GREB1L: variants seen among roughly 807,000 people sequenced by gnomAD.
GREB1L encodes GREB1 like retinoic acid receptor coactivator, also known as GREB1-like protein.
A neutral mutation model predicts 200.8 loss-of-function variants in GREB1L; 17 were observed. The ratio of observed to expected loss-of-function variants is 0.08; its 90% CI spans 0.06 to 0.13. GREB1L has a LOEUF of 0.13. GREB1L is among the 10% of genes least tolerant of loss of function. The pLI, the probability that GREB1L is intolerant of heterozygous loss-of-function variation, is 1.00. For missense variants in GREB1L, 1,657 were observed against 2,367.7 expected (o/e 0.70, Z 6.23); for synonymous variants, 789 against 893.0 (o/e 0.88, Z 2.08).
chr18:21,338,841 G>T (rs2039226267), intron 1 of GREB1L, among the ~76,000 whole-genome samples: 1 of 152,256 alleles, frequency 6.6e-6, no homozygotes, highest in Admixed American at 6.5e-5. Flanking sequence ...TTATAAAGGA[G>T]AGTGAGGATC....
intron 7 of GREB1L, among the ~76,000 whole-genome samples, chr18:21,428,691 G>A (rs970664342): frequency 2.1e-5 from 3 of 145,578 alleles, no homozygotes; most frequent in Non-Finnish European, 4.5e-5. Context: ...GAGTGCAATG[G>A]CATGATCGCG....
intron 1 of GREB1L, among the ~76,000 whole-genome samples, chr18:21,259,249 A>C (rs2037851945): frequency 6.6e-6 from 1 of 152,188 alleles, no homozygotes; most frequent in East Asian, 1.9e-4. Flanking sequence ...CTCAGTTTTC[A>C]TTTGGGTAAA....
At chr18:21,479,460 C>T (rs1483935793) in intron 17 of GREB1L, among the ~76,000 whole-genome samples, 7 of 152,110 alleles carry the variant, frequency 4.6e-5, no homozygotes, top group Non-Finnish European at 1.0e-4. Flanking sequence ...GGGTGGATCA[C>T]TTGAGCCCAG....
intron 1 of GREB1L, among the ~76,000 whole-genome samples, chr18:21,342,703 C>T (rs986967344): frequency 6.6e-6 from 1 of 152,142 alleles, no homozygotes; most frequent in African/African-American, 2.4e-5. Flanking sequence ...GGACTCACCA[C>T]CCTGGCTGCT....
At chr18:21,352,245 T>C (rs2039444662) in intron 1 of GREB1L, among the ~76,000 whole-genome samples, 1 of 152,178 alleles carries the variant, frequency 6.6e-6, no homozygotes, top group Admixed American at 6.5e-5. Context: ...TAGTCTTTAC[T>C]ATGCAAACAT....
At position 21,441,513 on chromosome 18, in the gene GREB1L, G is replaced by A; in HGVS notation, c.1183G>A (p.Gly395Arg). Residue 395 changes from glycine to arginine, a missense_variant, in exon 10 of 33, where the codon GGA becomes AGA. Physicochemically the swap from Gly to Arg is moderately radical, Grantham distance 125 (BLOSUM62 -2). Transcript: ENST00000424526. Reference protein sequence around the residue: ...IVPENLLSNSGVRPVILIGYG... With the variant: ...IVPENLLSNSRVRPVILIGYG... ...TCCTGAAAACCTGCTGAGTAACTCA[G>A]GAGTTAGACCAGTAATTCTGATAGG... 6.4e-7 allele frequency: 1 copy of A among 1,551,646 alleles called. No homozygotes were observed. Among genetic ancestry groups the A allele is most frequent in the Non-Finnish European group, 8.7e-7 (1 of 1,146,850 alleles).
Position 21,430,121 on chromosome 18 carries a change from C to T in GREB1L, c.833-9400C>T, listed in dbSNP as rs976884083. Among the ~76,000 whole-genome samples the T allele has an allele frequency of 3.3e-5, 5 of 152,134 alleles. 1 individual carries two copies. Among genetic ancestry groups the T allele is most frequent in the South Asian group, 2.1e-4 (1 of 4,828 alleles). On this transcript the variant is annotated intron_variant, in intron 7 of 32. Coordinates refer to ENST00000424526, the MANE Select transcript of GREB1L (RefSeq NM_001142966.3). ...AGATTACGCCCTTACCCTATGACCT[C>T]ATCTCATCATAATTACCCCTTTAAA...
At chr18:21,516,843 C>A in intron 30 of GREB1L, 89 bp downstream of exon 30, 413 of 831,346 alleles carry the variant, frequency 5.0e-4, no homozygotes, top group Non-Finnish European at 6.6e-4. Context: ...TAAGCACTTT[C>A]TATTTTATTA....
intron 1 of GREB1L, among the ~76,000 whole-genome samples, chr18:21,275,399 TG>T (rs1317215284): frequency 6.6e-6 from 1 of 152,204 alleles, no homozygotes; most frequent in Non-Finnish European, 1.5e-5. Context: ...TTTTTAGAGC[TG>T]GGGTCTTCTT....
At chr18:21,337,002 G>A (rs2039195573) in intron 1 of GREB1L, among the ~76,000 whole-genome samples, 1 of 152,078 alleles carries the variant, frequency 6.6e-6, no homozygotes, top group Non-Finnish European at 1.5e-5. Flanking sequence ...ATGAAATGAG[G>A]GTGTCAAGTA....
rs1351588118 is a variant in GREB1L at position 21,499,894 on chromosome 18, G to A, written c.3557G>A (p.Cys1186Tyr). 1 of 1,549,856 alleles carries A rather than the reference G, an allele frequency of 6.5e-7. No homozygotes were observed. Among genetic ancestry groups the A allele is most frequent in the Non-Finnish European group, 8.7e-7 (1 of 1,146,274 alleles). ...AGAGETLKQE[C>Y]DSLGPQMASS... ...GCCGGGGAGACTCTGAAGCAGGAAT[G>A]TGACTCCCTGGGCCCCCAGATGGCG... The change falls in exon 22 of 33, where the codon TGT (cysteine) becomes TAT (tyrosine). Residue 1186 changes from cysteine to tyrosine, a missense_variant. Coordinates refer to ENST00000424526, the MANE Select transcript of GREB1L (RefSeq NM_001142966.3).
chr18:21,381,314 A>G (rs1413887713), intron 2 of GREB1L, among the ~76,000 whole-genome samples: 2 of 152,076 alleles, frequency 1.3e-5, no homozygotes, highest in African/African-American at 4.8e-5. Flanking sequence ...AGGCTGAGGC[A>G]GGAGAATTGC....
In GREB1L at chr18:21,452,108, A is replaced by T; in HGVS notation, c.1875A>T (p.Glu625Asp). The change falls in exon 14 of 33, where the codon GAA becomes GAT. Residue 625 changes from glutamate to aspartate, a missense_variant. Glu to Asp is a conservative substitution (Grantham distance 45). Transcript: ENST00000424526. The part of the protein sequence containing the change: ...SLGDDLDKLL[E>D]KMQQRRGDSV... Reference sequence around the variant, plus strand: ...GCGATGACCTAGACAAGCTGCTGGAAAAAATGCAACAAAGAAGAGGAGACA... The same window carrying T: ...GCGATGACCTAGACAAGCTGCTGGATAAAATGCAACAAAGAAGAGGAGACA... 6.4e-7 allele frequency: 1 copy of T among 1,552,248 alleles called. No individual in the cohort carries two copies. The highest frequency in any genetic ancestry group is 1.2e-5 in the South Asian group (1 of 84,050).
At chr18:21,298,066 C>A (rs1413500310) in intron 1 of GREB1L, among the ~76,000 whole-genome samples, 1 of 152,120 alleles carries the variant, frequency 6.6e-6, no homozygotes, top group Admixed American at 6.5e-5. Context: ...GGACTATATA[C>A]TCCAGTAGGG....
chr18:21,306,024 T>C (rs1361559633), intron 1 of GREB1L, among the ~76,000 whole-genome samples: 1 of 152,202 alleles, frequency 6.6e-6, no homozygotes, highest in Non-Finnish European at 1.5e-5. Flanking sequence ...TTAATTTTTA[T>C]CCCATTACCT....
At chr18:21,308,516 C>T (rs138778245) in intron 1 of GREB1L, among the ~76,000 whole-genome samples, 48 of 152,334 alleles carry the variant, frequency 3.2e-4, no homozygotes, top group African/African-American at 1.1e-3. Flanking sequence ...TCGTCATCAT[C>T]GTCATTGGTC....
At chr18:21,332,316 G>A (rs2039117600) in intron 1 of GREB1L, among the ~76,000 whole-genome samples, 2 of 152,178 alleles carry the variant, frequency 1.3e-5, no homozygotes, top group South Asian at 4.2e-4. Flanking sequence ...TTATACAAAT[G>A]GAGTCTCTTT....
chr18:21,310,810 TA>T (rs965150428), intron 1 of GREB1L, among the ~76,000 whole-genome samples: 1 of 152,182 alleles, frequency 6.6e-6, no homozygotes, highest in African/African-American at 2.4e-5. Flanking sequence ...AATACGTTGT[TA>T]AAAAAATAGA....
intron 1 of GREB1L, among the ~76,000 whole-genome samples, chr18:21,348,708 G>A (rs1046535903): frequency 6.6e-6 from 1 of 152,220 alleles, no homozygotes; most frequent in South Asian, 2.1e-4. Flanking sequence ...CCGGGAGGCA[G>A]AGGTTGCAGT....
Sources: allele counts gnomAD v4.1 joint callset (sites outside exome capture counted in the v4.1 genomes callset), GRCh38; gene constraint gnomAD v4.1.1; transcripts MANE v1.5; gene names NCBI Gene and HGNC (gene_info 2026-07-23, HGNC 2026-07-21).